Variants in VPS13B observed in about 807,000 individuals in gnomAD.
The protein encoded by VPS13B is intermembrane lipid transfer protein VPS13B.
In VPS13B, 285 loss-of-function variants were observed where a neutral mutation model predicts 426.4. The observed-to-expected ratio is 0.67, with a 90% confidence interval of 0.61 to 0.74. The LOEUF (loss-of-function observed/expected upper bound fraction) is 0.74, where lower values mean the gene tolerates loss of function less well. Among genes scored for constraint, VPS13B ranks in the 30% least tolerant of loss-of-function variants. The probability of loss-of-function intolerance (pLI) is 0.00; values close to 1 mark genes in which losing one functional copy is unlikely to be tolerated. For missense variants in VPS13B, 4,537 were observed against 4,782.6 expected (o/e 0.95, Z 1.51); for synonymous variants, 1,676 against 1,676.4 (o/e 1.00, Z 0.01).
intron 44 of VPS13B, among the ~76,000 whole-genome samples, chr8:99,811,556 AC>A (rs1285959319): frequency 6.6e-6 from 1 of 152,090 alleles, no homozygotes; most frequent in Admixed American, 6.6e-5. Flanking sequence ...TGGTCCAGGG[AC>A]CACAATTTGA....
In VPS13B at chr8:99,082,674, A is replaced by G. The variant is rs190507937; in HGVS notation, c.292-13638A>G. On this transcript the variant is annotated intron_variant, in intron 3 of 61. Coordinates refer to ENST00000357162, the MANE Select transcript of VPS13B (RefSeq NM_152564.5). Reference sequence around the variant, plus strand: ...GGAAGGGATCCAGTTTCAGCTTTCTACATATGGCTAGCCAGTTTTCTCAGC... The same window carrying G: ...GGAAGGGATCCAGTTTCAGCTTTCTGCATATGGCTAGCCAGTTTTCTCAGC... 2.6e-5 allele frequency among the ~76,000 whole-genome samples: 4 copies of G among 152,300 alleles called. No homozygotes were observed. In the East Asian group the frequency reaches 7.7e-4, roughly 29 times the overall value.
At position 99,438,080 on chromosome 8, in the gene VPS13B, C is replaced by A. The variant is rs536932694; in HGVS notation, c.3211-4321C>A. 6.7e-5 allele frequency among the ~76,000 whole-genome samples: 9 copies of A among 134,570 alleles called. No individual in the cohort carries two copies. The South Asian group carries it at 1.6e-3, about 24-fold the overall frequency. 88.3% of individuals were successfully genotyped at this position (134,570 alleles called of 152,430 possible). Reference sequence around the variant, plus strand: ...TACTCTCTGAGTTTTTCTGAGTGGACTGAAGTCTTCTGAGTTTAATGGCAT... The same window carrying A: ...TACTCTCTGAGTTTTTCTGAGTGGAATGAAGTCTTCTGAGTTTAATGGCAT... On this transcript the variant is annotated intron_variant, in intron 22 of 61. Coordinates refer to ENST00000357162, the MANE Select transcript of VPS13B (RefSeq NM_152564.5).
At chr8:99,753,829 A>G (rs1023399770) in intron 39 of VPS13B, among the ~76,000 whole-genome samples, 1 of 152,186 alleles carries the variant, frequency 6.6e-6, no homozygotes, top group Non-Finnish European at 1.5e-5. Flanking sequence ...TTGTACTTAG[A>G]GGGTTTTCCG....
intron 19 of VPS13B, among the ~76,000 whole-genome samples, chr8:99,322,120 T>C (rs920876656): frequency 6.6e-6 from 1 of 152,222 alleles, no homozygotes; most frequent in African/African-American, 2.4e-5. Flanking sequence ...ACCTTGTTGT[T>C]TGTGCCCTTG....
At chr8:99,284,852 C>T (rs1283831472) in intron 19 of VPS13B, among the ~76,000 whole-genome samples, 1 of 152,172 alleles carries the variant, frequency 6.6e-6, no homozygotes, top group Non-Finnish European at 1.5e-5. Context: ...TGAGCCACAG[C>T]ACCTGGCCTA....
At chr8:99,228,104 T>C (rs1816113882) in intron 17 of VPS13B, among the ~76,000 whole-genome samples, 1 of 152,192 alleles carries the variant, frequency 6.6e-6, no homozygotes, top group African/African-American at 2.4e-5. Flanking sequence ...GGTGGAGGAG[T>C]AATGCCCATT....
At chr8:99,852,465 G>A (rs1816340828) in intron 55 of VPS13B, among the ~76,000 whole-genome samples, 2 of 152,218 alleles carry the variant, frequency 1.3e-5, no homozygotes, top group South Asian at 4.1e-4. Flanking sequence ...GAGAGGAAGA[G>A]GGATCTGCAT....
At chr8:99,023,969 G>A (rs1842023089) in intron 2 of VPS13B, among the ~76,000 whole-genome samples, 1 of 152,160 alleles carries the variant, frequency 6.6e-6, no homozygotes, top group Non-Finnish European at 1.5e-5. Context: ...AGCTTTTTAA[G>A]GAACTTTTGT....
At chr8:99,251,336 A>G (rs1341216760) in intron 17 of VPS13B, among the ~76,000 whole-genome samples, 3 of 151,998 alleles carry the variant, frequency 2.0e-5, no homozygotes, top group Non-Finnish European at 4.4e-5. Flanking sequence ...CTCTATTCCT[A>G]GTTCCCTGAA....
Position 99,121,452 on chromosome 8 carries a change from CT to C in VPS13B, c.1206+11del. The C allele has an allele frequency of 1.2e-6, 2 of 1,614,004 alleles. No homozygotes were observed. The highest frequency in any genetic ancestry group is 1.7e-6 in the Non-Finnish European group (2 of 1,179,952). Reference sequence around the variant, plus strand: ...GGCAACGGTGACTTTCAAAGTAGGTCTTTTCTCTTGCTGTTTATATCTCTAT... The same window carrying C: ...GGCAACGGTGACTTTCAAAGTAGGTCTTTCTCTTGCTGTTTATATCTCTAT... On this transcript the variant is annotated splice_region_variant and intron_variant, in intron 8 of 61. Transcript: ENST00000357162.
intron 19 of VPS13B, among the ~76,000 whole-genome samples, chr8:99,383,536 A>T (rs1278894076): frequency 6.6e-6 from 1 of 152,124 alleles, no homozygotes; most frequent in Non-Finnish European, 1.5e-5. Context: ...GTTTTATAGT[A>T]TATTCACCAG....
intron 15 of VPS13B, among the ~76,000 whole-genome samples, chr8:99,160,260 A>G (rs762862106): frequency 3.3e-5 from 5 of 152,200 alleles, no homozygotes; most frequent in African/African-American, 7.2e-5. Flanking sequence ...TGAACAATAC[A>G]TGTTTTAGCT....
chr8:99,099,631 A>G (rs1029108774), intron 4 of VPS13B, among the ~76,000 whole-genome samples: 1 of 152,250 alleles, frequency 6.6e-6, no homozygotes, highest in Non-Finnish European at 1.5e-5. Context: ...GAAAAGTGGT[A>G]GAGACATTTC....
chr8:99,308,425 C>T (rs888103340), intron 19 of VPS13B, among the ~76,000 whole-genome samples: 9 of 152,036 alleles, frequency 5.9e-5, no homozygotes, highest in Admixed American at 3.9e-4. Flanking sequence ...TGAGAACATG[C>T]GGTGTTTGGT....
rs759013203 is a variant in VPS13B, at chr8:99,875,415, T to C, written c.11746-3T>C. ...ACTAATCTTTATTATTTTTGGATCC[T>C]AGGTAGATGGAGTCCGAGAGAGACT... On this transcript the variant is annotated splice_polypyrimidine_tract_variant and splice_region_variant and intron_variant, in intron 61 of 61. Transcript: ENST00000357162. 5.0e-6 allele frequency: 8 copies of C among 1,614,076 alleles called. No individual in the cohort carries two copies. In the South Asian group the frequency reaches 8.8e-5, roughly 18 times the overall value.
chr8:99,491,822 C>T (rs1309051457), intron 25 of VPS13B, among the ~76,000 whole-genome samples: 1 of 152,166 alleles, frequency 6.6e-6, no homozygotes, highest in African/African-American at 2.4e-5. Flanking sequence ...TCGTTTTGCT[C>T]GGAGAAGTTT....
intron 33 of VPS13B, among the ~76,000 whole-genome samples, chr8:99,606,777 G>T (rs183355508): frequency 6.6e-6 from 1 of 151,910 alleles, no homozygotes; most frequent in Admixed American, 6.6e-5. Context: ...ACAGGCATGC[G>T]CAATCACGCC....
Position 99,766,950 on chromosome 8 carries a change from A to G in VPS13B, c.7227A>G (p.Gln2409=), listed in dbSNP as rs2130621938. Residue 2409 remains glutamine (Q), a synonymous_variant, in exon 40 of 62, where the codon CAA becomes CAG. Transcript: ENST00000357162. ...DLWRIVLNSS[Q]NGADDQSSAS... ...GGAGAATTGTCTTGAACAGCAGTCA[A>G]AATGGAGCTGATGACCAAAGGTAAT... 2 of 1,613,994 alleles carry G rather than the reference A, an allele frequency of 1.2e-6. No homozygotes were observed. The highest frequency in any genetic ancestry group is 1.7e-6 in the Non-Finnish European group (2 of 1,179,954).
At chr8:99,055,044 G>GTTTTTTTTTTTTTTTTTTTTT (rs397779213) in intron 3 of VPS13B, among the ~76,000 whole-genome samples, 1 of 141,880 alleles carries the variant, frequency 7.0e-6, no homozygotes, top group Non-Finnish European at 1.5e-5. Context: ...TTTTTTTTTT[G>GTTTTTTTTTTTTTTTTTTTTT]TTTTTTTTTT....
Sources: allele counts gnomAD v4.1 joint callset (sites outside exome capture counted in the v4.1 genomes callset), GRCh38; gene constraint gnomAD v4.1.1; transcripts MANE v1.5; gene names NCBI Gene and HGNC (gene_info 2026-07-23, HGNC 2026-07-21).